N4BP2: variants seen among roughly 807,000 people sequenced by gnomAD.
The protein encoded by N4BP2 is NEDD4-binding protein 2.
A neutral mutation model predicts 152.8 loss-of-function variants in N4BP2; 91 were observed. The ratio of observed to expected loss-of-function variants is 0.60; its 90% confidence interval spans 0.50 to 0.71. The LOEUF is 0.71. Among genes scored for constraint, N4BP2 ranks in the 30% least tolerant of loss-of-function variants. N4BP2 has a pLI of 0.00. For missense variants in N4BP2, 1,923 were observed against 2,059.1 expected, an observed-to-expected ratio of 0.93 and a Z score of 1.28; for synonymous variants, 646 against 705.3, an observed-to-expected ratio of 0.92 and a Z score of 1.33.
chr4:40,098,937 T>C (rs1715354432), intron 3 of N4BP2, among the ~76,000 whole-genome samples: 1 of 152,242 alleles, frequency 6.6e-6, no homozygotes, highest in African/African-American at 2.4e-5. Context: ...TGCTGTAATC[T>C]GTATTTTTAA....
chr4:40,093,981 C>T (rs1360292908), intron 2 of N4BP2, among the ~76,000 whole-genome samples: 1 of 152,120 alleles, frequency 6.6e-6, no homozygotes, highest in Non-Finnish European at 1.5e-5. Flanking sequence ...AGTGGTCTGC[C>T]CACCTCAGCC....
intron 1 of N4BP2, among the ~76,000 whole-genome samples, chr4:40,061,064 C>G (rs1733619841): frequency 6.6e-6 from 1 of 151,992 alleles, no homozygotes; most frequent in Non-Finnish European, 1.5e-5. Flanking sequence ...ATCCTCCCAC[C>G]TTGGCCTCCT....
intron 15 of N4BP2, 110 bp downstream of exon 15, chr4:40,142,971 A>G: frequency 1.2e-6 from 1 of 847,178 alleles, no homozygotes; most frequent in South Asian, 1.8e-5. Context: ...TGGGGAATGT[A>G]GTAGTTATGT....
At chr4:40,104,993 G>C (rs534298267) in intron 4 of N4BP2, among the ~76,000 whole-genome samples, 1 of 152,082 alleles carries the variant, frequency 6.6e-6, no homozygotes, top group Non-Finnish European at 1.5e-5. Flanking sequence ...TAGTAGAGAT[G>C]GGGTTTCACC....
chr4:40,129,202 C>T (rs1395297487), intron 12 of N4BP2, among the ~76,000 whole-genome samples: 3 of 151,970 alleles, frequency 2.0e-5, no homozygotes, highest in Non-Finnish European at 4.4e-5. Flanking sequence ...GTGTGAGTCA[C>T]GATGCCCTGC....
the N4BP2 span, among the ~76,000 whole-genome samples, chr4:40,172,354 T>C: frequency 6.6e-6 from 1 of 152,300 alleles, no homozygotes; most frequent in Non-Finnish European, 1.5e-5. Flanking sequence ...TTAATTTCCT[T>C]TGGCAACATC....
intron 2 of N4BP2, among the ~76,000 whole-genome samples, chr4:40,074,121 T>G (rs1473354511): frequency 6.7e-6 from 1 of 149,824 alleles, no homozygotes; most frequent in Non-Finnish European, 1.5e-5. Flanking sequence ...GATGGAGTGT[T>G]GCTCTATTGC....
Position 40,148,526 on chromosome 4 carries a change from G to A in N4BP2, c.5143+3726G>A, listed in dbSNP as rs147239392. On this transcript the variant is annotated intron_variant, in intron 16 of 17. Transcript: ENST00000261435. ...AGTTCGGCTTTTTTAGGTTCCACAT[G>A]TAAGTGAGATCATACAGGATTTGTC... Among the ~76,000 whole-genome samples the A allele has an allele frequency of 2.4e-3, 358 of 152,254 alleles. 1 individual carries two copies. The highest frequency in any genetic ancestry group is 8.2e-3 in the African/African-American group (339 of 41,528).
At chr4:40,164,879 A>C in the N4BP2 span, among the ~76,000 whole-genome samples, 266 of 152,290 alleles carry the variant, frequency 1.7e-3, no homozygotes, top group African/African-American at 6.0e-3. Flanking sequence ...TAAACAATTA[A>C]AGGCAACTCT....
At position 40,121,623 on chromosome 4, in the gene N4BP2, A is replaced by G. The variant is rs577349148; in HGVS notation, c.3512A>G (p.Asn1171Ser). ...ATTAGCCAAAGAGGAACTTTAGAGA[A>G]TTCTAATTCTCCTGTGCCAGAGTTT... Reference protein sequence around the residue: ...EIISQRGTLENSNSPVPEFSH... With the variant: ...EIISQRGTLESSNSPVPEFSH... Residue 1171 changes from asparagine (N) to serine (S), a missense_variant, in exon 9 of 18, where the codon AAT (asparagine) becomes AGT (serine). By Grantham distance (46) the Asn-to-Ser change is conservative. Transcript: ENST00000261435. 2.8e-5 allele frequency: 46 copies of G among 1,614,166 alleles called. No homozygotes were observed. In the South Asian group the frequency reaches 4.7e-4, roughly 17 times the overall value.
the N4BP2 span, among the ~76,000 whole-genome samples, chr4:40,168,555 TATAAGG>T: frequency 1.3e-5 from 2 of 148,182 alleles, no homozygotes; most frequent in Non-Finnish European, 3.0e-5. Context: ...TTGTTATAAA[TATAAGG>T]ATAACATCAT....
In N4BP2 at chr4:40,107,674, G is replaced by A. The variant is rs142505583; in HGVS notation, c.1498+650G>A. Among the ~76,000 whole-genome samples, 377 of 152,272 alleles carry A rather than the reference G, an allele frequency of 2.5e-3. 1 individual carries two copies. Among genetic ancestry groups the A allele is most frequent in the African/African-American group, 8.7e-3 (361 of 41,564 alleles). On this transcript the variant is annotated intron_variant, in intron 5 of 17. Coordinates refer to ENST00000261435, the MANE Select transcript of N4BP2 (RefSeq NM_018177.6). The stretch of plus-strand genomic sequence containing the variant: ...GCTGAGATTACAGGTGTGAGCCACC[G>A]TGCGTGGCCTATAACTGTATAGTAT...
intron 2 of N4BP2, among the ~76,000 whole-genome samples, chr4:40,074,578 T>G (rs1712539469): frequency 6.6e-6 from 1 of 152,222 alleles, no homozygotes; most frequent in South Asian, 2.1e-4. Flanking sequence ...AAGGAAAATA[T>G]AATCACAGAT....
At chr4:40,173,183 G>C in the N4BP2 span, among the ~76,000 whole-genome samples, 1 of 151,938 alleles carries the variant, frequency 6.6e-6, no homozygotes, top group South Asian at 2.1e-4. Context: ...CCTTAGAGGG[G>C]CTAGTTTAGG....
intron 5 of N4BP2, among the ~76,000 whole-genome samples, chr4:40,107,690 T>G (rs538064849): frequency 6.6e-6 from 1 of 152,286 alleles, no homozygotes; most frequent in Admixed American, 6.5e-5. Context: ...GGCCTATAAC[T>G]GTATAGTATA....
In N4BP2 at chr4:40,121,509, G is replaced by A; in HGVS notation, c.3398G>A (p.Cys1133Tyr). 1 of 1,614,166 alleles carries A rather than the reference G, an allele frequency of 6.2e-7. No homozygotes were observed. The highest frequency in any genetic ancestry group is 1.1e-5 in the South Asian group (1 of 91,072). The change falls in exon 9 of 18, where the codon TGT (cysteine) becomes TAT (tyrosine). Residue 1133 changes from cysteine (C) to tyrosine (Y), a missense_variant. Coordinates refer to ENST00000261435, the MANE Select transcript of N4BP2 (RefSeq NM_018177.6). ...SLLLDSETKL[C>Y]EDTEFENFQK... ...TTGTTGGATTCTGAAACTAAGTTAT[G>A]TGAGGATACAGAGTTTGAGAATTTC...
chr4:40,108,131 T>C (rs961906460), intron 5 of N4BP2, among the ~76,000 whole-genome samples: 9 of 151,754 alleles, frequency 5.9e-5, no homozygotes, highest in Admixed American at 5.9e-4. Flanking sequence ...TTTTGCCACA[T>C]TGGCCAGGGC....
chr4:40,169,880 C>A, the N4BP2 span, among the ~76,000 whole-genome samples: 836 of 150,508 alleles, frequency 5.6e-3, 6 homozygotes, highest in African/African-American at 0.019. Context: ...CAGAGAATTG[C>A]TTGAACCTGG....
Position 40,120,034 on chromosome 4 carries a change from C to G in N4BP2, c.1923C>G (p.Thr641=). 1.2e-6 allele frequency: 2 copies of G among 1,602,806 alleles called. No homozygotes were observed. Among genetic ancestry groups the G allele is most frequent in the Non-Finnish European group, 1.7e-6 (2 of 1,170,852 alleles). The change falls in exon 9 of 18, where the codon ACC becomes ACG. Residue 641 remains threonine (T), a synonymous_variant. Transcript: ENST00000261435. ...EFTEEKNLDV[T]KETMLPENVA... ...CTGAAGAGAAGAATCTTGATGTAAC[C>G]AAAGAAACAATGTTACCTGAGAATG...
Sources: gnomAD v4.1 joint callset for allele counts (sites outside exome capture counted in the v4.1 genomes callset) on GRCh38, gnomAD v4.1.1 for gene constraint, MANE v1.5 for transcripts, NCBI Gene and HGNC (gene_info 2026-07-23, HGNC 2026-07-21) for gene names.